HS3ST4: variants seen among roughly 807,000 people sequenced by gnomAD.
The protein encoded by HS3ST4 is heparan sulfate-glucosamine 3-sulfotransferase 4.
Under a neutral mutation model 29.2 loss-of-function variants are expected in HS3ST4, and 17 were observed. The observed-to-expected ratio is 0.58, with a 90% CI of 0.40 to 0.87. HS3ST4 has a LOEUF of 0.87. HS3ST4 is among the 40% of genes least tolerant of loss of function. The pLI, the probability that HS3ST4 is intolerant of heterozygous loss-of-function variation, is 0.00. For missense variants in HS3ST4, 627 were observed against 634.5 expected (o/e 0.99, Z 0.13); for synonymous variants, 314 against 285.7 (o/e 1.10, Z -1.00).
At chr16:25,846,065 G>A (rs1967463532) in intron 1 of HS3ST4, among the ~76,000 whole-genome samples, 4 of 152,154 alleles carry the variant, frequency 2.6e-5, no homozygotes, top group Admixed American at 2.6e-4. Context: ...CCTAGAGGTA[G>A]GAGGCTGTTG....
chr16:26,042,139 T>C (rs1969641204), intron 1 of HS3ST4, among the ~76,000 whole-genome samples: 1 of 152,176 alleles, frequency 6.6e-6, no homozygotes, highest in Non-Finnish European at 1.5e-5. Context: ...CCGCCTGCCT[T>C]ATGTTCCAGC....
At chr16:25,796,741 A>AGT (rs751753437) in intron 1 of HS3ST4, among the ~76,000 whole-genome samples, 12 of 152,236 alleles carry the variant, frequency 7.9e-5, no homozygotes, top group Non-Finnish European at 1.3e-4. Context: ...GCCCATAGGC[A>AGT]GTGCACTGAG....
chr16:26,044,640 G>A (rs1392924849), intron 1 of HS3ST4, among the ~76,000 whole-genome samples: 3 of 152,226 alleles, frequency 2.0e-5, no homozygotes, highest in Non-Finnish European at 2.9e-5. Flanking sequence ...AAAAATAGGA[G>A]GGATCTAGAT....
chr16:25,812,072 G>A (rs1487834188), intron 1 of HS3ST4, among the ~76,000 whole-genome samples: 1 of 152,076 alleles, frequency 6.6e-6, no homozygotes, highest in Non-Finnish European at 1.5e-5. Context: ...ACTGTTGATG[G>A]GCATTGAGGT....
At chr16:25,856,195 T>G (rs1967572774) in intron 1 of HS3ST4, among the ~76,000 whole-genome samples, 1 of 152,044 alleles carries the variant, frequency 6.6e-6, no homozygotes, top group Admixed American at 6.6e-5. Flanking sequence ...TTGGTCTGTG[T>G]TTTGGCACAG....
At chr16:26,006,780 G>A (rs746017442) in intron 1 of HS3ST4, among the ~76,000 whole-genome samples, 2 of 151,992 alleles carry the variant, frequency 1.3e-5, no homozygotes, top group Non-Finnish European at 2.9e-5. Flanking sequence ...CCAGAATAAT[G>A]GCTGGTAATT....
chr16:26,136,447 C>G lies in HS3ST4; in HGVS notation c.*199C>G, dbSNP rs1293835467. On this transcript the variant is annotated 3_prime_UTR_variant, in exon 2 of 2. Transcript: ENST00000331351. ...ATGGCATCCCCATGGAGGAACCAGG[C>G]CCATCTGGGCAGCAGCATCTGGTTG... The G allele has an allele frequency of 5.0e-6, 3 of 597,166 alleles. No homozygotes were observed. The highest frequency in any genetic ancestry group is 1.9e-5 in the African/African-American group (1 of 53,788). The allele number at this position is 597,166 out of a possible 1,614,324, so 37.0% of individuals were successfully genotyped here.
At chr16:26,012,369 A>G (rs901819905) in intron 1 of HS3ST4, among the ~76,000 whole-genome samples, 7 of 152,228 alleles carry the variant, frequency 4.6e-5, no homozygotes, top group African/African-American at 1.7e-4. Context: ...TAAAGAGGAA[A>G]GGTCAAGAGA....
chr16:26,002,552 T>C (rs945602646), intron 1 of HS3ST4, among the ~76,000 whole-genome samples: 2 of 151,932 alleles, frequency 1.3e-5, no homozygotes, highest in Admixed American at 6.6e-5. Context: ...TGGAAGGATG[T>C]GTCTATGATT....
At chr16:25,828,301 C>CTTTCTCTCTCTCT (rs1555467593) in intron 1 of HS3ST4, among the ~76,000 whole-genome samples, 5 of 32,880 alleles carry the variant, frequency 1.5e-4, no homozygotes, top group Non-Finnish European at 1.6e-4. Flanking sequence ...TCTTTCTTTC[C>CTTTCTCTCTCTCT]CTCTCTCTCT....
At position 25,895,386 on chromosome 16, in the gene HS3ST4, T is replaced by C. The variant is rs140685849; in HGVS notation, c.734+202235T>C. On this transcript the variant is annotated intron_variant, in intron 1 of 1. Coordinates refer to ENST00000331351, the MANE Select transcript of HS3ST4 (RefSeq NM_006040.3). ...GGAGAATGATTGAATGTTTTGGTCA[T>C]GGGCAGTGATGTGATCAGAGTTGTT... 5.9e-3 allele frequency among the ~76,000 whole-genome samples: 893 copies of C among 152,258 alleles called. 9 individuals are homozygous for C. Among genetic ancestry groups the C allele is most frequent in the African/African-American group, 0.021 (871 of 41,548 alleles).
intron 1 of HS3ST4, among the ~76,000 whole-genome samples, chr16:25,924,747 G>A (rs2141684477): frequency 6.6e-6 from 1 of 152,272 alleles, no homozygotes; most frequent in South Asian, 2.1e-4. Flanking sequence ...GGCTGGACTT[G>A]AAGTGCACTT....
chr16:25,820,264 G>T (rs1967137050), intron 1 of HS3ST4, among the ~76,000 whole-genome samples: 1 of 152,046 alleles, frequency 6.6e-6, no homozygotes. Context: ...TGACAAGCCT[G>T]GGTAGGGCCT....
In HS3ST4 at chr16:25,911,444, C is replaced by T. The variant is rs148941419; in HGVS notation, c.734+218293C>T. ...GTTCTCTCCTCCTTGTCTCCATCTC[C>T]CATTCCCCAGCATCTGGCAGAGTGC... On this transcript the variant is annotated intron_variant, in intron 1 of 1. Coordinates refer to ENST00000331351, the MANE Select transcript of HS3ST4 (RefSeq NM_006040.3). Among the ~76,000 whole-genome samples, 154 of 151,556 alleles carry T rather than the reference C, an allele frequency of 1.0e-3. 3 individuals are homozygous for T. The East Asian group carries it at 0.023, about 23-fold the overall frequency.
chr16:26,061,095 G>A (rs888066007), intron 1 of HS3ST4, among the ~76,000 whole-genome samples: 5 of 152,166 alleles, frequency 3.3e-5, no homozygotes, highest in African/African-American at 9.7e-5. Flanking sequence ...ATGGCAAAAC[G>A]CACACACATC....
intron 1 of HS3ST4, among the ~76,000 whole-genome samples, chr16:25,796,536 A>G (rs1053019340): frequency 1.3e-5 from 2 of 152,104 alleles, no homozygotes; most frequent in Non-Finnish European, 2.9e-5. Flanking sequence ...CCACTGAGCA[A>G]CCGAGTATGG....
At chr16:25,984,856 A>G (rs751012455) in intron 1 of HS3ST4, among the ~76,000 whole-genome samples, 2 of 152,194 alleles carry the variant, frequency 1.3e-5, no homozygotes, top group Admixed American at 6.5e-5. Context: ...CAAGGGAGAC[A>G]TGCAACATGT....
chr16:26,045,205 GA>G (rs1898249961), intron 1 of HS3ST4, among the ~76,000 whole-genome samples: 1 of 152,032 alleles, frequency 6.6e-6, no homozygotes, highest in Non-Finnish European at 1.5e-5. Context: ...TACAAGAGAT[GA>G]AAAAGAAAGG....
intron 1 of HS3ST4, among the ~76,000 whole-genome samples, chr16:26,124,400 T>C (rs78431901): frequency 0.013 from 1,985 of 152,282 alleles, 33 homozygotes; most frequent in African/African-American, 0.044. Flanking sequence ...TGGTTTTCCT[T>C]TAAGAAACAC....
Sources: allele counts gnomAD v4.1 joint callset (sites outside exome capture counted in the v4.1 genomes callset), GRCh38; gene constraint gnomAD v4.1.1; transcripts MANE v1.5; gene names NCBI Gene and HGNC (gene_info 2026-07-23, HGNC 2026-07-21).